Variants in LRP4 observed in about 807,000 individuals in gnomAD.
LRP4 encodes the protein LDL receptor related protein 4, also known as low-density lipoprotein receptor-related protein 4.
A neutral mutation model predicts 220.3 loss-of-function variants in LRP4; 95 were observed. The ratio of observed to expected loss-of-function variants is 0.43; its 90% CI spans 0.37 to 0.51. The LOEUF (loss-of-function observed/expected upper bound fraction) is 0.51. LRP4 is among the 20% of genes least tolerant of loss of function. The probability of loss-of-function intolerance (pLI) is 0.00; values close to 1 mark genes in which losing one functional copy is unlikely to be tolerated. For synonymous variants in LRP4, 903 were observed against 954.6 expected, an observed-to-expected ratio of 0.95 and a Z score of 1.00; for missense variants, 1,925 against 2,567.0, an observed-to-expected ratio of 0.75 and a Z score of 5.40.
Position 46,876,827 on chromosome 11 carries a change from T to C in LRP4, c.3281A>G (p.Lys1094Arg). The C allele has an allele frequency of 2.5e-6, 4 of 1,613,270 alleles. No individual in the cohort carries two copies. The South Asian group carries it at 4.4e-5, about 18-fold the overall frequency. The change falls in exon 24 of 38, where the codon AAG becomes AGG. Residue 1094 changes from lysine to arginine, a missense_variant. By Grantham distance (26) the Lys-to-Arg change is conservative (BLOSUM62 2). Transcript: ENST00000378623. ...CAGTGTGCTGTCAGACCAGTACACC[T>C]TTCCTGGAGAGGGAAAGCTTGGCTC... ...IAIGVDPQEG[K>R]VYWSDSTLHR... is the part of the protein sequence containing the mutation.
chr11:46,886,399 C>A lies in LRP4; in HGVS notation c.2350G>T (p.Asp784Tyr). ...ACATCTGTCCAGTACACGTGGTCAT[C>A]CCGGGAGTCCCAGTCAAGGGCCACA... The part of the protein sequence containing the change: ...SAVALDWDSR[D>Y]DHVYWTDVST... The change falls in exon 17 of 38, where the codon GAT (aspartate) becomes TAT (tyrosine). Residue 784 changes from aspartate (D) to tyrosine (Y), a missense_variant. Physicochemically the swap from Asp to Tyr is radical, Grantham distance 160. Around this residue, in one of 3 missense-constraint regions of LRP4, gnomAD observed 1,244 missense variants for 1,624.9 expected, o/e 0.77. Transcript: ENST00000378623. 6.2e-7 allele frequency: 1 copy of A among 1,612,666 alleles called. No individual in the cohort carries two copies. Among genetic ancestry groups the A allele is most frequent in the Non-Finnish European group, 8.5e-7 (1 of 1,179,364 alleles).
rs1034771622 is a variant in LRP4, at chr11:46,857,110, G to A, written c.*1873C>T. On this transcript the variant is annotated 3_prime_UTR_variant, in exon 38 of 38. Coordinates refer to ENST00000378623, the MANE Select transcript of LRP4 (RefSeq NM_002334.4). ...TTTCTACATTCTGAACAGCCCAAGT[G>A]CAATAAGATCCTTCCCCCTTTCCAA... The A allele has an allele frequency of 6.6e-6, 1 of 152,530 alleles. No individual in the cohort carries two copies. Among genetic ancestry groups the A allele is most frequent in the African/African-American group, 2.4e-5 (1 of 41,424 alleles). The allele number at this position is 152,530 out of a possible 1,614,324, so 9.4% of individuals were successfully genotyped here.
At chr11:46,904,342 G>A (rs1345358581) in intron 1 of LRP4, among the ~76,000 whole-genome samples, 1 of 152,148 alleles carries the variant, frequency 6.6e-6, no homozygotes, top group African/African-American at 2.4e-5. Context: ...CCTTGGCCTA[G>A]CCTAGGGCTT....
chr11:46,901,365 G>A (rs887524482), intron 2 of LRP4, among the ~76,000 whole-genome samples: 9 of 152,070 alleles, frequency 5.9e-5, no homozygotes, highest in African/African-American at 1.7e-4. Flanking sequence ...AGTTCATTAC[G>A]TAACACTCTG....
chr11:46,911,730 C>T (rs368460000), intron 1 of LRP4, among the ~76,000 whole-genome samples: 20 of 152,032 alleles, frequency 1.3e-4, no homozygotes, highest in African/African-American at 4.6e-4. Flanking sequence ...AAATATAGAC[C>T]TTCCCAACCT....
chr11:46,890,321 CT>C lies in LRP4; in HGVS notation c.1870del (p.Arg624GlyfsTer187). 1 of 1,614,208 alleles carries C rather than the reference CT, an allele frequency of 6.2e-7. No individual in the cohort carries two copies. Among genetic ancestry groups the C allele is most frequent in the Non-Finnish European group, 8.5e-7 (1 of 1,180,046 alleles). The part of the protein sequence containing the change: ...WVDAKHHVIE[R>X]ANLDGSHRKA... ...ACGGTGACTCCCATCCAGATTGGCC[CT>C]CTCGATGACATGGTGCTTAGCATCC... On this transcript the variant is annotated frameshift_variant, in exon 14 of 38. Transcript: ENST00000378623. LOFTEE classifies it high-confidence loss of function. This position sits in a 1 kb window ranked among gnomAD's most constrained non-coding sequence, Gnocchi z 5.3.
chr11:46,891,891 T>C (rs1389402672), intron 13 of LRP4, among the ~76,000 whole-genome samples: 1 of 152,166 alleles, frequency 6.6e-6, no homozygotes, highest in Middle Eastern at 3.2e-3. Flanking sequence ...GCTGAGATTA[T>C]AGGCATGAGC....
At chr11:46,906,029 G>T (rs1941753864) in intron 1 of LRP4, among the ~76,000 whole-genome samples, 1 of 152,068 alleles carries the variant, frequency 6.6e-6, no homozygotes, top group Admixed American at 6.6e-5. Context: ...GAAGTAGGGG[G>T]GAATAGGAGG....
At position 46,880,215 on chromosome 11, in the gene LRP4, G is replaced by A. The variant is rs147091734; in HGVS notation, c.2815-900C>T. Reference sequence around the variant, plus strand: ...GACTAGATTAGTTGGGCCCGGTGGCGCACAGCTCCAGCTACTCAGGAGCCT... The same window carrying A: ...GACTAGATTAGTTGGGCCCGGTGGCACACAGCTCCAGCTACTCAGGAGCCT... On this transcript the variant is annotated intron_variant, in intron 20 of 37. Transcript: ENST00000378623. Among the ~76,000 whole-genome samples the A allele has an allele frequency of 9.1e-4, 136 of 150,250 alleles. 1 individual carries two copies. The East Asian group carries it at 0.022, about 24-fold the overall frequency.
intron 19 of LRP4, 93 bp downstream of exon 19, chr11:46,883,778 A>G (rs1941216695): frequency 1.0e-6 from 1 of 990,706 alleles, no homozygotes; most frequent in African/African-American, 1.6e-5. Context: ...TATCCATAAG[A>G]TCTGGTCACT....
At position 46,896,006 on chromosome 11, in the gene LRP4, C is replaced by T; in HGVS notation, c.1061G>A (p.Gly354Asp). ...SPQQNCRPRT[G>D]EENCNVNNGG... is the part of the protein sequence containing the mutation. ...GTTGTTAACATTGCAGTTCTCCTCA[C>T]CCGTCCGGGGCCCTGTGCCAGCCAA... Residue 354 changes from glycine to aspartate, a missense_variant, in exon 10 of 38, where the codon GGT becomes GAT. Transcript: ENST00000378623. The T allele has an allele frequency of 6.2e-7, 1 of 1,614,172 alleles. No homozygotes were observed. The highest frequency in any genetic ancestry group is 8.5e-7 in the Non-Finnish European group (1 of 1,180,040).
chr11:46,912,008 C>G (rs775035863), intron 1 of LRP4, among the ~76,000 whole-genome samples: 1 of 152,138 alleles, frequency 6.6e-6, no homozygotes, highest in Non-Finnish European at 1.5e-5. Context: ...GCATGTGCCA[C>G]CACGTCAGCT....
chr11:46,883,235 C>A (rs1941203416), intron 19 of LRP4, among the ~76,000 whole-genome samples: 1 of 152,198 alleles, frequency 6.6e-6, no homozygotes, highest in Admixed American at 6.5e-5. Context: ...ACAAGCCCCC[C>A]AAAATTTGGC....
chr11:46,864,223 C>T lies in LRP4; in HGVS notation c.5243+225G>A, dbSNP rs563775999. On this transcript the variant is annotated intron_variant, in intron 36 of 37. Coordinates refer to ENST00000378623, the MANE Select transcript of LRP4 (RefSeq NM_002334.4). ...AGCATCCTAGTCTATAAAGAAAATC[C>T]GAAGGGTTGTTACAGTCATTCAATA... Among the ~76,000 whole-genome samples the T allele has an allele frequency of 3.3e-5, 5 of 152,206 alleles. No homozygotes were observed. The South Asian group carries it at 6.2e-4, about 19-fold the overall frequency.
At chr11:46,884,474 C>G (rs1419644652) in intron 18 of LRP4, among the ~76,000 whole-genome samples, 1 of 152,006 alleles carries the variant, frequency 6.6e-6, no homozygotes, top group Non-Finnish European at 1.5e-5. Context: ...CAGTGGCTCA[C>G]ACCTGTAATC....
intron 10 of LRP4, 31 bp downstream of exon 10, chr11:46,895,853 C>T (rs371918514): frequency 2.2e-5 from 35 of 1,607,906 alleles, no homozygotes; most frequent in African/African-American, 1.6e-4. Flanking sequence ...CTCAGAACCC[C>T]GACTCTGCTG....
chr11:46,910,576 C>T (rs1402294628), intron 1 of LRP4, among the ~76,000 whole-genome samples: 1 of 152,036 alleles, frequency 6.6e-6, no homozygotes, highest in African/African-American at 2.4e-5. Context: ...GGCAGCAGTA[C>T]CACCACCATG....
At chr11:46,862,249 G>A (rs1052653786) in intron 37 of LRP4, among the ~76,000 whole-genome samples, 7 of 152,116 alleles carry the variant, frequency 4.6e-5, no homozygotes, top group African/African-American at 1.4e-4. Flanking sequence ...GGTGTTGTCT[G>A]GGAGAGCTCC....
In LRP4 at chr11:46,918,414, G is replaced by C. The variant is rs1387131549; in HGVS notation, c.-35C>G. Reference sequence around the variant, plus strand: ...CGCGCCGCTCGCCCGGGGTCCCGCCGGCTCCCGCCGGACGGCGCGGCGGAG... The same window carrying C: ...CGCGCCGCTCGCCCGGGGTCCCGCCCGCTCCCGCCGGACGGCGCGGCGGAG... On this transcript the variant is annotated 5_prime_UTR_variant, in exon 1 of 38. Coordinates refer to ENST00000378623, the MANE Select transcript of LRP4 (RefSeq NM_002334.4). The surrounding 1 kb of genome is among the most constrained non-coding windows in gnomAD (Gnocchi z 6.0). 3.7e-6 allele frequency: 5 copies of C among 1,347,688 alleles called. No homozygotes were observed. The highest frequency in any genetic ancestry group is 4.7e-6 in the Non-Finnish European group (5 of 1,054,508). The allele number at this position is 1,347,688 out of a possible 1,614,324, so 83.5% of individuals were successfully genotyped here.
Sources: allele counts gnomAD v4.1 joint callset (sites outside exome capture counted in the v4.1 genomes callset), GRCh38; gene constraint gnomAD v4.1.1; regional missense constraint gnomAD v4.1.1; non-coding constraint Gnocchi (gnomAD v3.1); transcripts MANE v1.5; gene names NCBI Gene and HGNC (gene_info 2026-07-23, HGNC 2026-07-21).